Variants in LGSN observed in about 807,000 individuals in gnomAD.
LGSN encodes lengsin, lens protein with glutamine synthetase domain.
Under a neutral mutation model 19.5 loss-of-function variants are expected in LGSN, and 21 were observed. The ratio of observed to expected loss-of-function variants is 1.07; its 90% confidence interval spans 0.76 to 1.55. The LOEUF is 1.55. Ranked by LOEUF, LGSN falls within the 40% of genes most tolerant of loss-of-function variation. The pLI is 0.00. For synonymous variants in LGSN, 257 were observed against 215.6 expected, an observed-to-expected ratio of 1.19 and a Z score of -1.68; for missense variants, 673 against 608.5, an observed-to-expected ratio of 1.11 and a Z score of -1.12.
the LGSN span, among the ~76,000 whole-genome samples, chr6:63,497,492 G>T: frequency 1.1e-3 from 164 of 152,228 alleles, no homozygotes; most frequent in African/African-American, 3.9e-3. Context: ...GGTGGAGGTT[G>T]CAGTGAGCCG....
the LGSN span, among the ~76,000 whole-genome samples, chr6:63,417,144 G>C: frequency 6.6e-6 from 1 of 152,080 alleles, no homozygotes; most frequent in African/African-American, 2.4e-5. Flanking sequence ...CTACAGGCTG[G>C]AGGAAGAAAA....
the LGSN span, among the ~76,000 whole-genome samples, chr6:63,507,981 GC>G: frequency 1.3e-5 from 2 of 152,104 alleles, no homozygotes; most frequent in Non-Finnish European, 2.9e-5. Flanking sequence ...CCATAGTCAA[GC>G]AAAGTAAAAT....
the LGSN span, among the ~76,000 whole-genome samples, chr6:63,407,276 C>T: frequency 3.3e-5 from 5 of 151,908 alleles, no homozygotes; most frequent in South Asian, 1.0e-3. Context: ...TGCAAAAATC[C>T]TCAATAAAAT....
the LGSN span, among the ~76,000 whole-genome samples, chr6:63,531,435 A>G: frequency 2.6e-5 from 4 of 152,032 alleles, no homozygotes; most frequent in African/African-American, 9.7e-5. Context: ...TTAATGCAAA[A>G]TGCCTACATA....
chr6:63,513,991 A>G, the LGSN span, among the ~76,000 whole-genome samples: 1 of 151,494 alleles, frequency 6.6e-6, no homozygotes, highest in Admixed American at 6.6e-5. Flanking sequence ...AATTTTTCAT[A>G]AGGAATATGT....
intron 1 of LGSN, among the ~76,000 whole-genome samples, chr6:63,300,565 C>G (rs1768145080): frequency 6.6e-6 from 1 of 151,988 alleles, no homozygotes; most frequent in African/African-American, 2.4e-5. Context: ...ACTCGGGAGG[C>G]TGAGGTGGGA....
chr6:63,312,399 C>A (rs887276748), intron 1 of LGSN, among the ~76,000 whole-genome samples: 1 of 152,158 alleles, frequency 6.6e-6, no homozygotes, highest in African/African-American at 2.4e-5. Context: ...AAGTAGAATC[C>A]TTATTAAACT....
rs777026495 is a variant in LGSN, at chr6:63,280,285, T to C, written c.1266A>G (p.Ala422=). 6.2e-7 allele frequency: 1 copy of C among 1,614,238 alleles called. No individual in the cohort carries two copies. Among genetic ancestry groups the C allele is most frequent in the South Asian group, 1.1e-5 (1 of 91,088 alleles). ...ATANPYLVLA[A]TVAAGLDGLH... ...GTCCATCTAAGCCGGCAGCAACAGT[T>C]GCAGCCAGCACCAAGTAAGGGTTTG... is the stretch of plus-strand genomic sequence containing the variant. The change falls in exon 4 of 4, where the codon GCA becomes GCG. Residue 422 remains alanine (A), a synonymous_variant. Coordinates refer to ENST00000370657, the MANE Select transcript of LGSN (RefSeq NM_016571.3).
intron 1 of LGSN, among the ~76,000 whole-genome samples, chr6:63,297,996 T>A (rs754484310): frequency 1.3e-5 from 2 of 152,236 alleles, no homozygotes; most frequent in Non-Finnish European, 2.9e-5. Context: ...TCCATAAATG[T>A]CATCTGACCA....
the LGSN span, among the ~76,000 whole-genome samples, chr6:63,424,998 T>G: frequency 3.3e-5 from 5 of 152,188 alleles, no homozygotes; most frequent in African/African-American, 1.2e-4. Flanking sequence ...GACATTCTAC[T>G]GATGGCTATA....
chr6:63,539,027 G>T, the LGSN span, among the ~76,000 whole-genome samples: 1 of 151,928 alleles, frequency 6.6e-6, no homozygotes, highest in East Asian at 1.9e-4. Flanking sequence ...CACATAGCTG[G>T]GATTACAGGT....
chr6:63,399,861 A>AT, the LGSN span, among the ~76,000 whole-genome samples: 14 of 151,194 alleles, frequency 9.3e-5, no homozygotes, highest in East Asian at 5.8e-4. Context: ...ACACCCAGCT[A>AT]TTTTTTTTTA....
chr6:63,354,353 A>G, the LGSN span, among the ~76,000 whole-genome samples: 3 of 152,188 alleles, frequency 2.0e-5, no homozygotes, highest in Non-Finnish European at 4.4e-5. Context: ...CATTTCTTGG[A>G]CGAAGACACA....
the LGSN span, among the ~76,000 whole-genome samples, chr6:63,339,084 T>C: frequency 1.3e-5 from 2 of 152,224 alleles, no homozygotes; most frequent in African/African-American, 4.8e-5. Context: ...ACTTGTTTTG[T>C]GGCCTAATAT....
chr6:63,481,809 T>C, the LGSN span: 8 of 314,264 alleles, frequency 2.5e-5, no homozygotes, highest in Admixed American at 1.1e-4. Context: ...GGAACAGATA[T>C]GCGGGAGGAG....
the LGSN span, chr6:63,527,841 G>C: frequency 2.0e-5 from 3 of 152,312 alleles, no homozygotes; most frequent in South Asian, 6.2e-4. Flanking sequence ...ACACCAGGAA[G>C]AACATGAAAG....
the LGSN span, among the ~76,000 whole-genome samples, chr6:63,453,954 C>T: frequency 1.3e-5 from 2 of 152,284 alleles, no homozygotes; most frequent in South Asian, 4.1e-4. Context: ...CCGCGCCCGG[C>T]CGTCATTATA....
At chr6:63,509,839 G>A in the LGSN span, among the ~76,000 whole-genome samples, 1 of 152,198 alleles carries the variant, frequency 6.6e-6, no homozygotes, top group Admixed American at 6.5e-5. Flanking sequence ...CGGGTTAGTC[G>A]CAGACCTGGG....
chr6:63,519,466 T>TA, the LGSN span, among the ~76,000 whole-genome samples: 2 of 152,218 alleles, frequency 1.3e-5, no homozygotes, highest in Non-Finnish European at 2.9e-5. Flanking sequence ...GAAACTGTAC[T>TA]ATGTCCTGTC....
Sources: gnomAD v4.1 joint callset for allele counts (sites outside exome capture counted in the v4.1 genomes callset) on GRCh38, gnomAD v4.1.1 for gene constraint, MANE v1.5 for transcripts, NCBI Gene and HGNC (gene_info 2026-07-23, HGNC 2026-07-21) for gene names.